The following MRPL21 variants were observed in gnomAD, a reference collection of about 807,000 sequenced individuals.
MRPL21 encodes the protein large ribosomal subunit protein bL21m.
In MRPL21, 20 loss-of-function variants were observed where a neutral mutation model predicts 27.3. The observed-to-expected ratio is 0.73, with a 90% confidence interval of 0.52 to 1.06. The LOEUF (loss-of-function observed/expected upper bound fraction) is 1.06, where lower values mean the gene tolerates loss of function less well. Among genes scored for constraint, MRPL21 ranks in the 50% least tolerant of loss-of-function variants. The pLI is 0.00. For missense variants in MRPL21, 249 were observed against 251.4 expected, an observed-to-expected ratio of 0.99 and a Z score of 0.06; for synonymous variants, 98 against 101.5, an observed-to-expected ratio of 0.97 and a Z score of 0.21.
At chr11:68,900,355 G>A (rs535355915) in intron 2 of MRPL21, among the ~76,000 whole-genome samples, 193 bp downstream of exon 2, 1 of 152,336 alleles carries the variant, frequency 6.6e-6, no homozygotes, top group African/African-American at 2.4e-5. Flanking sequence ...TACTCAGGAG[G>A]CTGAGGCGGG....
chr11:68,901,764 C>G (rs865868351), intron 1 of MRPL21, among the ~76,000 whole-genome samples: 83 of 152,186 alleles, frequency 5.5e-4, no homozygotes, highest in African/African-American at 2.0e-3. Flanking sequence ...GGCTTCTCTC[C>G]TGGTTTTGCA....
At chr11:68,895,940 A>G (rs1041325117) in intron 4 of MRPL21, among the ~76,000 whole-genome samples, 4 of 152,150 alleles carry the variant, frequency 2.6e-5, no homozygotes, top group African/African-American at 9.7e-5. Context: ...TGGCCTCCCA[A>G]TGTGGTGGGT....
chr11:68,898,056 A>C lies in MRPL21; in HGVS notation c.147-44T>G, dbSNP rs755926094. ...AGACAAATGTCACAAGCACCTGAAA[A>C]GGCAGCTCAAATCCTCTAAGAAATG... On this transcript the variant is annotated intron_variant, in intron 2 of 6. Coordinates refer to ENST00000362034, the MANE Select transcript of MRPL21 (RefSeq NM_181514.2). 4 of 1,498,892 alleles carry C rather than the reference A, an allele frequency of 2.7e-6. No individual in the cohort carries two copies. The African/African-American group carries it at 4.1e-5, about 15-fold the overall frequency. 92.8% of individuals were successfully genotyped at this position (1,498,892 alleles called of 1,614,324 possible).
Position 68,896,683 on chromosome 11 carries a change from AG to A in MRPL21, c.233-6del. On this transcript the variant is annotated splice_polypyrimidine_tract_variant and splice_region_variant and intron_variant, in intron 3 of 6. Coordinates refer to ENST00000362034, the MANE Select transcript of MRPL21 (RefSeq NM_181514.2). ...CATTCACCTTCTTCACGACCTCTGC[AG>A]GGGAAGGCGGGTGGGTGGGCAGTCA... 1.3e-6 allele frequency: 2 copies of A among 1,583,232 alleles called. No individual in the cohort carries two copies. Among genetic ancestry groups the A allele is most frequent in the Non-Finnish European group, 1.7e-6 (2 of 1,157,412 alleles).
intron 6 of MRPL21, 114 bp downstream of exon 6, chr11:68,892,776 G>A (rs1857679677): frequency 6.5e-7 from 1 of 1,546,082 alleles, no homozygotes; most frequent in African/African-American, 1.4e-5. Flanking sequence ...CAGCCAGGTT[G>A]AGACCTGCCT....
intron 1 of MRPL21, among the ~76,000 whole-genome samples, chr11:68,901,789 T>G (rs573250517): frequency 6.6e-6 from 1 of 152,306 alleles, no homozygotes; most frequent in Non-Finnish European, 1.5e-5. Context: ...CACCTATCTA[T>G]CTGCCTTAGC....
chr11:68,896,108 T>G (rs1456787137), intron 4 of MRPL21, among the ~76,000 whole-genome samples: 2 of 152,184 alleles, frequency 1.3e-5, no homozygotes, highest in Non-Finnish European at 2.9e-5. Flanking sequence ...TAGCAGAAAC[T>G]TAACAGTTTT....
At position 68,903,782 on chromosome 11, in the gene MRPL21, A is replaced by C. The variant is rs1022959231; in HGVS notation, c.29T>G (p.Leu10Ter). The C allele has an allele frequency of 2.5e-6, 4 of 1,612,560 alleles. No homozygotes were observed. The Admixed American group carries it at 6.7e-5, about 27-fold the overall frequency. Residue 10 changes from leucine (L) to a stop codon, truncating the protein, a stop_gained, in exon 1 of 7, where the codon TTA becomes TGA. Transcript: ENST00000362034. LOFTEE classifies it high-confidence loss of function. ...GCTGCACGCGGACGCCAGCCGCCCTAAGGTGACCGTCAGGGAAGATGCTGC... is the reference window on the plus strand; with the variant it reads ...GCTGCACGCGGACGCCAGCCGCCCTCAGGTGACCGTCAGGGAAGATGCTGC... MAASSLTVT[L>*]GRLASACSHS...
intron 1 of MRPL21, among the ~76,000 whole-genome samples, chr11:68,903,243 G>A (rs1196455630): frequency 1.3e-5 from 2 of 152,076 alleles, no homozygotes; most frequent in Non-Finnish European, 2.9e-5. Context: ...AGTTTTTAAC[G>A]GACATAACCT....
chr11:68,893,213 A>C (rs1224179115), intron 5 of MRPL21, 190 bp downstream of exon 5: 4 of 1,378,790 alleles, frequency 2.9e-6, no homozygotes, highest in Non-Finnish European at 3.8e-6. Flanking sequence ...TGAAACAGCA[A>C]GAGACCAATA....
intron 2 of MRPL21, 136 bp downstream of exon 2, chr11:68,900,412 T>G: frequency 1.1e-6 from 1 of 876,938 alleles, no homozygotes; most frequent in Admixed American, 2.2e-5. Context: ...GGAAACATAG[T>G]GAAACTCTGT....
At chr11:68,891,907 G>A (rs1369991489) in intron 6 of MRPL21, 9 of 502,676 alleles carry the variant, frequency 1.8e-5, no homozygotes, top group Non-Finnish European at 3.0e-5. Context: ...CCCATGCCCC[G>A]TGGGTGCCAT....
At chr11:68,901,938 G>C (rs1313009042) in intron 1 of MRPL21, among the ~76,000 whole-genome samples, 1 of 152,086 alleles carries the variant, frequency 6.6e-6, no homozygotes, top group Non-Finnish European at 1.5e-5. Flanking sequence ...CATCAGTTTT[G>C]ACTCTTCTCT....
chr11:68,895,639 G>C lies in MRPL21; in HGVS notation c.396+876C>G, dbSNP rs1053155634. 6.6e-5 allele frequency among the ~76,000 whole-genome samples: 10 copies of C among 152,200 alleles called. No homozygotes were observed. In the East Asian group the frequency reaches 1.9e-3, roughly 29 times the overall value. ...CACTCCAGCCTGGGTGACAGAGCGA[G>C]ACTGAGTCTGAAAAATAATAATAAA... On this transcript the variant is annotated intron_variant, in intron 4 of 6. Coordinates refer to ENST00000362034, the MANE Select transcript of MRPL21 (RefSeq NM_181514.2).
rs117310501 is a variant in MRPL21, at chr11:68,896,358, C to T, written c.396+157G>A. The T allele has an allele frequency of 6.7e-3, 6,262 of 938,576 alleles. 53 individuals carry two copies. The highest frequency in any genetic ancestry group is 0.023 in the Middle Eastern group (70 of 3,008). The allele number at this position is 938,576 out of a possible 1,614,324, so 58.1% of individuals were successfully genotyped here. A position where few individuals can be genotyped will look rare whatever the true frequency, so the allele number is the denominator to read the frequency against. On this transcript the variant is annotated intron_variant, in intron 4 of 6. Transcript: ENST00000362034. ...CCCTGCCCTTGGACCCCAGCCCCGCCGTGGGCGCCCCCCAAAGTCCCTTCT... is the reference window on the plus strand; with the variant it reads ...CCCTGCCCTTGGACCCCAGCCCCGCTGTGGGCGCCCCCCAAAGTCCCTTCT...
chr11:68,903,770 G>T lies in MRPL21; in HGVS notation c.41C>A (p.Ala14Glu). The change falls in exon 1 of 7, where the codon GCG becomes GAG. Residue 14 changes from alanine to glutamate, a missense_variant. By Grantham distance (107) the Ala-to-Glu change is moderately radical. Transcript: ENST00000362034. ...SSLTVTLGRL[A>E]SACSHSILRP... Reference sequence around the variant, plus strand: ...CAGGATGCTGTGGCTGCACGCGGACGCCAGCCGCCCTAAGGTGACCGTCAG... The same window carrying T: ...CAGGATGCTGTGGCTGCACGCGGACTCCAGCCGCCCTAAGGTGACCGTCAG... 6.2e-7 allele frequency: 1 copy of T among 1,613,108 alleles called. No individual in the cohort carries two copies. Among genetic ancestry groups the T allele is most frequent in the Non-Finnish European group, 8.5e-7 (1 of 1,180,030 alleles).
intron 1 of MRPL21, among the ~76,000 whole-genome samples, chr11:68,903,014 C>T (rs1357600988): frequency 6.6e-6 from 1 of 152,154 alleles, no homozygotes; most frequent in African/African-American, 2.4e-5. Context: ...TATGGATGTC[C>T]TACAGTTTAT....
intron 6 of MRPL21, 24 bp from the exon 7 acceptor site, chr11:68,891,419 T>C (rs765700782): frequency 1.9e-6 from 3 of 1,613,038 alleles, no homozygotes; most frequent in East Asian, 4.5e-5. Context: ...TGTCACAGGC[T>C]TGACCACAGA....
At position 68,891,299 on chromosome 11, in the gene MRPL21, T is replaced by C. The variant is rs1406926044; in HGVS notation, c.*32A>G. 1.2e-6 allele frequency: 2 copies of C among 1,608,220 alleles called. No individual in the cohort carries two copies. Among genetic ancestry groups the C allele is most frequent in the African/African-American group, 2.7e-5 (2 of 74,784 alleles). On this transcript the variant is annotated 3_prime_UTR_variant, in exon 7 of 7. Coordinates refer to ENST00000362034, the MANE Select transcript of MRPL21 (RefSeq NM_181514.2). ...GGTCTCCTTGGGAAGCAGGAGTTTA[T>C]TTTTATCCTTTTGTAAGTATTAACT...
Sources: gnomAD v4.1 joint callset for allele counts (sites outside exome capture counted in the v4.1 genomes callset) on GRCh38, gnomAD v4.1.1 for gene constraint, MANE v1.5 for transcripts, NCBI Gene and HGNC (gene_info 2026-07-23, HGNC 2026-07-21) for gene names.